The following CDH3 variants were observed in gnomAD, a reference collection of about 807,000 sequenced individuals.
CDH3 encodes the protein cadherin 3, also known as cadherin-3.
Under a neutral mutation model 82.0 loss-of-function variants are expected in CDH3, and 54 were observed. That is an observed-to-expected ratio of 0.66 (90% CI 0.53 to 0.83). The LOEUF (loss-of-function observed/expected upper bound fraction) is 0.83, where lower values mean the gene tolerates loss of function less well. Ranked by LOEUF, CDH3 falls within the 40% of genes least tolerant of loss-of-function variation. CDH3 has a pLI of 0.00. For synonymous variants in CDH3, 446 were observed against 437.9 expected (o/e 1.02, Z -0.23); for missense variants, 1,054 against 1,084.6 (o/e 0.97, Z 0.40).
intron 2 of CDH3, chr16:68,651,955 C>T (rs188952351): frequency 1.2e-4 from 39 of 328,522 alleles, no homozygotes; most frequent in East Asian, 1.1e-3. Context: ...ATGGAGAATA[C>T]GGCTGGCAGG....
At position 68,698,486 on chromosome 16, in the gene CDH3, C is replaced by A; in HGVS notation, c.*86C>A. ...CAGTTCCCCCTTCAGCTGAGGACTT[C>A]GGAGCTTGTCAGGAAGTGGCCGTAG... On this transcript the variant is annotated 3_prime_UTR_variant, in exon 16 of 16. Transcript: ENST00000264012. 1 of 1,262,460 alleles carries A rather than the reference C, an allele frequency of 7.9e-7. No homozygotes were observed. The highest frequency in any genetic ancestry group is 1.2e-5 in the South Asian group (1 of 80,898). 78.2% of individuals were successfully genotyped at this position (1,262,460 alleles called of 1,614,324 possible).
rs374421891 is a variant in CDH3 at position 68,695,364 on chromosome 16, G to A, written c.2112G>A (p.Glu704=). The A allele has an allele frequency of 4.5e-5, 73 of 1,612,126 alleles. No individual in the cohort carries two copies. In the Admixed American group the frequency reaches 1.0e-3, roughly 22 times the overall value. ...TRDNVFYYGE[E]GGGEEDQDYD... ...ACAACGTCTTCTACTATGGCGAAGA[G>A]GGGGGTGGCGAAGAGGACCAGGTGG... Residue 704 remains glutamate, a synonymous_variant, in exon 14 of 16, where the codon GAG becomes GAA. Coordinates refer to ENST00000264012, the MANE Select transcript of CDH3 (RefSeq NM_001793.6).
rs1218914686 is a variant in CDH3, at chr16:68,691,869, G to A, written c.1945G>A (p.Gly649Arg). Residue 649 changes from glycine (G) to arginine (R), a missense_variant, in exon 13 of 16, where the codon GGA becomes AGA. Coordinates refer to ENST00000264012, the MANE Select transcript of CDH3 (RefSeq NM_001793.6). ...DCHGHVETCP[G>R]PWKGGFILPV... ...CCATGGCCATGTCGAAACCTGCCCT[G>A]GACCCTGGAAGGGAGGTTTCATCCT... is the stretch of plus-strand genomic sequence containing the variant. The A allele has an allele frequency of 1.2e-6, 2 of 1,614,094 alleles. No individual in the cohort carries two copies. Among genetic ancestry groups the A allele is most frequent in the Non-Finnish European group, 8.5e-7 (1 of 1,180,010 alleles).
exon 3 of CDH3, among the ~76,000 whole-genome samples, chr16:68,727,321 T>C (rs1962229959): frequency 6.6e-6 from 1 of 152,230 alleles, no homozygotes; most frequent in African/African-American, 2.4e-5. Context: ...AGCTTGTAGA[T>C]GGCTTATCCT....
chr16:68,702,010 G>C (rs995912647), downstream of CDH3, among the ~76,000 whole-genome samples: 1 of 151,770 alleles, frequency 6.6e-6, no homozygotes, highest in African/African-American at 2.4e-5. Flanking sequence ...GGCAACAAGA[G>C]TGAAACTCCA....
In CDH3 at chr16:68,685,080, C is replaced by T. The variant is rs1008148729; in HGVS notation, c.1425-125C>T. ...TAGGTCCCCGTTTATGGGCGAGGTG[C>T]ATTTTCCATATGATCCTGCTTAGGA... On this transcript the variant is annotated intron_variant, in intron 10 of 15. Transcript: ENST00000264012. The T allele has an allele frequency of 1.4e-5, 17 of 1,230,928 alleles. No homozygotes were observed. The African/African-American group carries it at 2.5e-4, about 18-fold the overall frequency. 76.3% of individuals were successfully genotyped at this position (1,230,928 alleles called of 1,614,324 possible).
intron 1 of CDH3, among the ~76,000 whole-genome samples, chr16:68,714,717 T>C (rs534160736): frequency 6.6e-6 from 1 of 152,246 alleles, no homozygotes; most frequent in South Asian, 2.1e-4. Flanking sequence ...GTGTACTACC[T>C]CATTTAAGTA....
At chr16:68,716,852 T>TA (rs1361909413) in intron 1 of CDH3, among the ~76,000 whole-genome samples, 1 of 151,402 alleles carries the variant, frequency 6.6e-6, no homozygotes, top group African/African-American at 2.4e-5. Context: ...GCCTCCCAAG[T>TA]AACTGGGACT....
downstream of CDH3, among the ~76,000 whole-genome samples, chr16:68,729,491 T>C (rs1404356262): frequency 6.6e-6 from 1 of 152,146 alleles, no homozygotes; most frequent in Non-Finnish European, 1.5e-5. Context: ...ACTCATCAAA[T>C]TGTATACTTT....
At chr16:68,727,044 C>A (rs749711173) in intron 2 of CDH3, among the ~76,000 whole-genome samples, 1 of 152,174 alleles carries the variant, frequency 6.6e-6, no homozygotes, top group South Asian at 2.1e-4. Context: ...GGAAAAGTCA[C>A]CCACACCCAC....
At chr16:68,647,783 A>C (rs1286667234) in intron 2 of CDH3, among the ~76,000 whole-genome samples, 3 of 152,054 alleles carry the variant, frequency 2.0e-5, no homozygotes, top group Admixed American at 2.0e-4. Flanking sequence ...CCTGCACCCT[A>C]GTTCCTCATC....
chr16:68,695,479 T>C, intron 14 of CDH3, 94 bp downstream of exon 14: 2 of 1,305,770 alleles, frequency 1.5e-6, no homozygotes, highest in Non-Finnish European at 2.1e-6. Flanking sequence ...TTAGCTGTGT[T>C]GACCAGGCCC....
In CDH3 at chr16:68,691,944, AC is replaced by A; in HGVS notation, c.2002+23del. The A allele has an allele frequency of 1.3e-6, 2 of 1,597,912 alleles. No individual in the cohort carries two copies. The highest frequency in any genetic ancestry group is 1.1e-5 in the South Asian group (1 of 90,628). The stretch of plus-strand genomic sequence containing the variant: ...TCTGCTGTGTGAGTACCAGGCCCCC[AC>A]CCCCTCCCTGAGGATGGGGGAGTTG... On this transcript the variant is annotated intron_variant, in intron 13 of 15. Transcript: ENST00000264012.
chr16:68,665,458 G>A (rs1960707174), intron 2 of CDH3, among the ~76,000 whole-genome samples: 1 of 152,082 alleles, frequency 6.6e-6, no homozygotes, highest in Admixed American at 6.5e-5. Context: ...ACCCTAACAA[G>A]CACCTGGGGG....
At chr16:68,684,929 A>T in intron 10 of CDH3, 105 bp downstream of exon 10, 1 of 1,429,146 alleles carries the variant, frequency 7.0e-7, no homozygotes, top group Non-Finnish European at 9.8e-7. Context: ...GTTAAATAGG[A>T]ATATCCCTCC....
chr16:68,693,771 G>A (rs1411324352), intron 13 of CDH3, among the ~76,000 whole-genome samples: 1 of 152,172 alleles, frequency 6.6e-6, no homozygotes, highest in African/African-American at 2.4e-5. Flanking sequence ...TAATGATCCT[G>A]AGCAGTGGTG....
intron 2 of CDH3, among the ~76,000 whole-genome samples, chr16:68,675,113 C>CA (rs977088859): frequency 1.3e-5 from 2 of 149,274 alleles, no homozygotes; most frequent in African/African-American, 4.9e-5. Flanking sequence ...ACTCTGTTTC[C>CA]AAAAAATAAA....
chr16:68,727,936 A>C (rs1188170179), downstream of CDH3, among the ~76,000 whole-genome samples: 2 of 151,902 alleles, frequency 1.3e-5, no homozygotes, highest in African/African-American at 2.4e-5. Context: ...AAACCCCAAA[A>C]TCTGTACAAT....
At chr16:68,662,379 G>A (rs1225373573) in intron 2 of CDH3, among the ~76,000 whole-genome samples, 1 of 152,128 alleles carries the variant, frequency 6.6e-6, no homozygotes, top group African/African-American at 2.4e-5. Context: ...GATCACTTGA[G>A]CCTAGGAGGT....
Sources: allele counts gnomAD v4.1 joint callset (sites outside exome capture counted in the v4.1 genomes callset), GRCh38; gene constraint gnomAD v4.1.1; transcripts MANE v1.5; gene names NCBI Gene and HGNC (gene_info 2026-07-23, HGNC 2026-07-21).